The following TUBA3C variants were observed in gnomAD, a reference collection of about 807,000 sequenced individuals.
TUBA3C encodes the protein tubulin alpha 3c, also known as tubulin alpha-3C chain.
Under a neutral mutation model 33.4 loss-of-function variants are expected in TUBA3C, and 23 were observed. The ratio of observed to expected loss-of-function variants is 0.69; its 90% CI spans 0.50 to 0.98. The LOEUF is 0.98. TUBA3C is among the 50% of genes least tolerant of loss of function. TUBA3C has a pLI of 0.00. For synonymous variants in TUBA3C, 269 were observed against 250.4 expected (o/e 1.07, Z -0.70); for missense variants, 402 against 616.0 (o/e 0.65, Z 3.68).
rs1329707404 is a variant in TUBA3C, at chr13:19,177,841, A to T, written c.376-234T>A. Among the ~76,000 whole-genome samples, 1 of 134,880 alleles carries T rather than the reference A, an allele frequency of 7.4e-6. No homozygotes were observed. Among genetic ancestry groups the T allele is most frequent in the Non-Finnish European group, 1.6e-5 (1 of 62,218 alleles). The allele number at this position is 134,880 out of a possible 152,430, so 88.5% of individuals were successfully genotyped here. The stretch of plus-strand genomic sequence containing the variant: ...GCAATAGGACTCAAGATACTGTTCT[A>T]AGTTGTTTTTTTTTTTTTTTTTTTA... On this transcript the variant is annotated intron_variant, in intron 3 of 4. Transcript: ENST00000400113. The surrounding 1 kb of genome is among the most constrained non-coding windows in gnomAD (Gnocchi z 5.0).
At position 19,177,266 on chromosome 13, in the gene TUBA3C, C is replaced by A. The variant is rs397839852; in HGVS notation, c.717G>T (p.Thr239=). 6.2e-7 allele frequency: 1 copy of A among 1,613,918 alleles called. No homozygotes were observed. Among genetic ancestry groups the A allele is most frequent in the Non-Finnish European group, 8.5e-7 (1 of 1,180,030 alleles). ...GGGCCCCGTCAAATCGCAGGGAGGCCGTGATGGAGGACACGATCTGCCCAA... is the reference window on the plus strand; with the variant it reads ...GGGCCCCGTCAAATCGCAGGGAGGCAGTGATGGAGGACACGATCTGCCCAA... The part of the protein sequence containing the change: ...RLIGQIVSSI[T]ASLRFDGALN... The change falls in exon 4 of 5, where the codon ACG becomes ACT. Residue 239 remains threonine, a synonymous_variant. Transcript: ENST00000400113. This position sits in a 1 kb window ranked among gnomAD's most constrained non-coding sequence, Gnocchi z 5.0.
At chr13:19,179,711 G>A in intron 1 of TUBA3C, 148 bp from the exon 2 acceptor site, 2 of 1,207,912 alleles carry the variant, frequency 1.7e-6, no homozygotes, top group Non-Finnish European at 2.3e-6. Flanking sequence ...TTAGGTGACT[G>A]ACCCCTTTAT....
intron 4 of TUBA3C, 146 bp downstream of exon 4, chr13:19,176,781 A>G: frequency 2.5e-6 from 1 of 400,622 alleles, no homozygotes; most frequent in Non-Finnish European, 4.4e-6. Context: ...ATTAATGATC[A>G]CTCTGGTTCA....
chr13:19,179,275 G>A, intron 2 of TUBA3C, 66 bp downstream of exon 2: 1 of 1,597,668 alleles, frequency 6.3e-7, no homozygotes, highest in East Asian at 2.2e-5. Flanking sequence ...GAGCCCACAT[G>A]GGGCCTTACC....
chr13:19,176,912 A>G lies in TUBA3C; in HGVS notation c.1056+15T>C. On this transcript the variant is annotated intron_variant, in intron 4 of 4. Transcript: ENST00000400113. ...TTGCTGAAAGGTACAAGGACTCCAC[A>G]TTACCCAGTCATACCTTAAATCCAG... 1 of 1,611,988 alleles carries G rather than the reference A, an allele frequency of 6.2e-7. No homozygotes were observed. The highest frequency in any genetic ancestry group is 8.5e-7 in the Non-Finnish European group (1 of 1,178,520).
chr13:19,176,238 G>A (rs1006172811), intron 4 of TUBA3C, among the ~76,000 whole-genome samples: 19 of 152,084 alleles, frequency 1.2e-4, no homozygotes, highest in African/African-American at 4.6e-4. Context: ...GGCCAACATG[G>A]TGAAATCCCT....
At position 19,177,661 on chromosome 13, in the gene TUBA3C, C is replaced by G; in HGVS notation, c.376-54G>C. The G allele has an allele frequency of 6.6e-7, 1 of 1,524,746 alleles. No individual in the cohort carries two copies. The highest frequency in any genetic ancestry group is 8.8e-7 in the Non-Finnish European group (1 of 1,138,578). The allele number at this position is 1,524,746 out of a possible 1,614,324, so 94.5% of individuals were successfully genotyped here. Reference sequence around the variant, plus strand: ...TGCCCGTGGAAGCCACACCACCAACCTCCACCAAGCCAGGGCCACTTCTCT... The same window carrying G: ...TGCCCGTGGAAGCCACACCACCAACGTCCACCAAGCCAGGGCCACTTCTCT... On this transcript the variant is annotated intron_variant, in intron 3 of 4. Coordinates refer to ENST00000400113, the MANE Select transcript of TUBA3C (RefSeq NM_006001.3). The surrounding 1 kb of genome is among the most constrained non-coding windows in gnomAD (Gnocchi z 5.0).
In TUBA3C at chr13:19,177,191, G is replaced by A. The variant is rs866542743; in HGVS notation, c.792C>T (p.Arg264=). The A allele has an allele frequency of 6.2e-7, 1 of 1,614,160 alleles. No homozygotes were observed. The highest frequency in any genetic ancestry group is 2.2e-5 in the East Asian group (1 of 44,876). Residue 264 remains arginine, a synonymous_variant, in exon 4 of 5, where the codon CGC becomes CGT. Coordinates refer to ENST00000400113, the MANE Select transcript of TUBA3C (RefSeq NM_006001.3). The surrounding 1 kb of genome is among the most constrained non-coding windows in gnomAD (Gnocchi z 5.0). Reference sequence around the variant, plus strand: ...CGTAGGTGGCCAGGGGGAAGTGGATGCGGGGGTACGGCACTAGGTTGGTCT... The same window carrying A: ...CGTAGGTGGCCAGGGGGAAGTGGATACGGGGGTACGGCACTAGGTTGGTCT... ...EFQTNLVPYP[R]IHFPLATYAP...
intron 1 of TUBA3C, among the ~76,000 whole-genome samples, 173 bp from the exon 2 acceptor site, chr13:19,179,736 ACTTG>A (rs1369039900): frequency 6.6e-6 from 1 of 151,972 alleles, no homozygotes; most frequent in Non-Finnish European, 1.5e-5. Flanking sequence ...GTGAAAACTT[ACTTG>A]CTCTACACCA....
chr13:19,177,457 G>C lies in TUBA3C; in HGVS notation c.526C>G (p.Gln176Glu). The C allele has an allele frequency of 6.2e-7, 1 of 1,614,066 alleles. No homozygotes were observed. Among genetic ancestry groups the C allele is most frequent in the Non-Finnish European group, 8.5e-7 (1 of 1,179,994 alleles). ...GGCTCCACCACGGCCGTGGAGACCTGGGGGGCTGGGTAAATGGCAAATTCT... is the reference window on the plus strand; with the variant it reads ...GGCTCCACCACGGCCGTGGAGACCTCGGGGGCTGGGTAAATGGCAAATTCT... ...KLEFAIYPAPQVSTAVVEPYN... is the reference protein window; with the variant it reads ...KLEFAIYPAPEVSTAVVEPYN... Residue 176 changes from glutamine to glutamate, a missense_variant, in exon 4 of 5, where the codon CAG (glutamine) becomes GAG (glutamate). Gln to Glu is a conservative substitution (Grantham distance 29). Transcript: ENST00000400113. The surrounding 1 kb of genome is among the most constrained non-coding windows in gnomAD (Gnocchi z 5.0).
At position 19,181,778 on chromosome 13, in the gene TUBA3C, C is replaced by T. The variant is rs780391253; in HGVS notation, c.-31G>A. 33 of 1,600,946 alleles carry T rather than the reference C, an allele frequency of 2.1e-5. 1 individual carries two copies. The South Asian group carries it at 3.1e-4, about 15-fold the overall frequency. On this transcript the variant is annotated 5_prime_UTR_variant, in exon 1 of 5. Coordinates refer to ENST00000400113, the MANE Select transcript of TUBA3C (RefSeq NM_006001.3). ...GCTCCTCCGCTGCCGCAGCCCAACGCTACTACTTGACCTCAACCGCCGCTG... is the reference window on the plus strand; with the variant it reads ...GCTCCTCCGCTGCCGCAGCCCAACGTTACTACTTGACCTCAACCGCCGCTG...
chr13:19,178,325 G>C lies in TUBA3C; in HGVS notation c.296C>G (p.Ala99Gly), dbSNP rs766306245. The C allele has an allele frequency of 1.9e-6, 3 of 1,614,010 alleles. No homozygotes were observed. Among genetic ancestry groups the C allele is most frequent in the Non-Finnish European group, 2.5e-6 (3 of 1,180,028 alleles). Residue 99 changes from alanine (A) to glycine (G), a missense_variant, in exon 3 of 5, where the codon GCG becomes GGG. Coordinates refer to ENST00000400113, the MANE Select transcript of TUBA3C (RefSeq NM_006001.3). The stretch of plus-strand genomic sequence containing the variant: ...ATGGCCTCTGGCGTAATTATTGGCC[G>C]CATCTTCCTTCCCGGTGATCAGCTG... ...PEQLITGKED[A>G]ANNYARGHYT...
Position 19,177,575 on chromosome 13 carries a change from G to A in TUBA3C, c.408C>T (p.Leu136=). 2 of 1,607,254 alleles carry A rather than the reference G, an allele frequency of 1.2e-6. No individual in the cohort carries two copies. Among genetic ancestry groups the A allele is most frequent in the Non-Finnish European group, 1.7e-6 (2 of 1,176,976 alleles). Residue 136 remains leucine (L), a synonymous_variant, in exon 4 of 5, where the codon CTC becomes CTT. Transcript: ENST00000400113. This position sits in a 1 kb window ranked among gnomAD's most constrained non-coding sequence, Gnocchi z 5.0. ...ADLCTGLQGF[L]IFHSFGGGTG... is the part of the protein sequence containing the mutation. ...TGCCACCCCCAAAACTGTGGAAGAT[G>A]AGGAAGCCCTGCAGTCCCGTGCACA...
Position 19,177,058 on chromosome 13 carries a change from G to A in TUBA3C, c.925C>T (p.His309Tyr). The A allele has an allele frequency of 6.2e-7, 1 of 1,614,170 alleles. No homozygotes were observed. The highest frequency in any genetic ancestry group is 1.6e-4 in the Middle Eastern group (1 of 6,062). Residue 309 changes from histidine to tyrosine, a missense_variant, in exon 4 of 5, where the codon CAC becomes TAC. Physicochemically the swap from His to Tyr is moderately conservative, Grantham distance 83 (BLOSUM62 2). Coordinates refer to ENST00000400113, the MANE Select transcript of TUBA3C (RefSeq NM_006001.3). This position sits in a 1 kb window ranked among gnomAD's most constrained non-coding sequence, Gnocchi z 5.0. ...ANQMVKCDPR[H>Y]GKYMACCMLY... ...ATGCAGCAGGCCATGTACTTGCCGTGGCGAGGGTCACACTTGACCATCTGA... is the reference window on the plus strand; with the variant it reads ...ATGCAGCAGGCCATGTACTTGCCGTAGCGAGGGTCACACTTGACCATCTGA...
chr13:19,173,829 G>A lies in TUBA3C; in HGVS notation c.*34C>T, dbSNP rs1442049119. 5.0e-6 allele frequency: 8 copies of A among 1,589,692 alleles called. No individual in the cohort carries two copies. Among genetic ancestry groups the A allele is most frequent in the Non-Finnish European group, 6.9e-6 (8 of 1,166,866 alleles). On this transcript the variant is annotated 3_prime_UTR_variant, in exon 5 of 5. Transcript: ENST00000400113. ...ACTTGAAAGCAGCCACGCTGGGGGT[G>A]GCAGTGGAGTGGAGAACCCACCACA... is the stretch of plus-strand genomic sequence containing the variant.
intron 1 of TUBA3C, 106 bp downstream of exon 1, chr13:19,181,639 T>G: frequency 6.5e-7 from 1 of 1,534,534 alleles, no homozygotes; most frequent in Middle Eastern, 1.7e-4. Context: ...ACCTCCTTTC[T>G]GCACCCTGGC....
At chr13:19,179,662 A>G (rs1285339292) in intron 1 of TUBA3C, 99 bp from the exon 2 acceptor site, 2 of 1,405,656 alleles carry the variant, frequency 1.4e-6, no homozygotes, top group African/African-American at 2.9e-5. Context: ...ATACTGCTTC[A>G]GTATCTGGTG....
In TUBA3C at chr13:19,177,606, G is replaced by T; in HGVS notation, c.377C>A (p.Ala126Glu). ...DLVLDRIRKL[A>E]DLCTGLQGFL... ...GCCCTGCAGTCCCGTGCACAGATCC[G>T]CCTGAGGGAAACCAGACAACATGAA... The change falls in exon 4 of 5, where the codon GCG becomes GAG. Residue 126 changes from alanine to glutamate, a missense_variant and splice_region_variant. Physicochemically the swap from Ala to Glu is moderately radical, Grantham distance 107. Coordinates refer to ENST00000400113, the MANE Select transcript of TUBA3C (RefSeq NM_006001.3). This position sits in a 1 kb window ranked among gnomAD's most constrained non-coding sequence, Gnocchi z 5.0. 1.3e-6 allele frequency: 2 copies of T among 1,562,724 alleles called. No individual in the cohort carries two copies. Among genetic ancestry groups the T allele is most frequent in the South Asian group, 1.2e-5 (1 of 81,814 alleles).
intron 1 of TUBA3C, among the ~76,000 whole-genome samples, chr13:19,181,457 G>A (rs921658651): frequency 3.3e-5 from 5 of 152,116 alleles, no homozygotes; most frequent in Admixed American, 3.3e-4. Context: ...TCAGGAGGCG[G>A]CACCACTGTT....
Sources: gnomAD v4.1 joint callset for allele counts (sites outside exome capture counted in the v4.1 genomes callset) on GRCh38, gnomAD v4.1.1 for gene constraint, Gnocchi (gnomAD v3.1) non-coding constraint, MANE v1.5 for transcripts, NCBI Gene and HGNC (gene_info 2026-07-23, HGNC 2026-07-21) for gene names.